SHMT1: variants seen among roughly 807,000 people sequenced by gnomAD.
SHMT1 encodes the protein serine hydroxymethyltransferase 1.
In SHMT1, 45 loss-of-function variants were observed where a neutral mutation model predicts 49.0. The ratio of observed to expected loss-of-function variants is 0.92; its 90% CI spans 0.72 to 1.18. The LOEUF (loss-of-function observed/expected upper bound fraction) is 1.18, where lower values mean the gene tolerates loss of function less well. SHMT1 is among the 50% of genes most tolerant of loss of function. The pLI, the probability that SHMT1 is intolerant of heterozygous loss-of-function variation, is 0.00. For missense variants in SHMT1, 541 were observed against 612.4 expected (o/e 0.88, Z 1.23); for synonymous variants, 232 against 246.6 (o/e 0.94, Z 0.55).
chr17:18,329,216 A>C, intron 11 of SHMT1, 62 bp downstream of exon 11: 2 of 1,250,024 alleles, frequency 1.6e-6, no homozygotes, highest in Non-Finnish European at 2.3e-6. Context: ...TCAGCTACTC[A>C]TCACAATCAG....
chr17:18,354,599 A>T (rs891618949), intron 2 of SHMT1, among the ~76,000 whole-genome samples: 2 of 152,152 alleles, frequency 1.3e-5, no homozygotes, highest in African/African-American at 2.4e-5. Flanking sequence ...TTCATCTCAG[A>T]AAAAGAAAAA....
At chr17:18,362,060 G>C (rs1943853674) in intron 1 of SHMT1, among the ~76,000 whole-genome samples, 1 of 152,174 alleles carries the variant, frequency 6.6e-6, no homozygotes, top group Admixed American at 6.6e-5. Flanking sequence ...CCAAGGATCT[G>C]CTCAGGGAAC....
At chr17:18,360,227 T>C (rs1986632707) in intron 1 of SHMT1, among the ~76,000 whole-genome samples, 1 of 147,558 alleles carries the variant, frequency 6.8e-6, no homozygotes, top group African/African-American at 2.5e-5. Context: ...CCAGCCTGGG[T>C]GACAGAGCAA....
chr17:18,355,612 C>T (rs1356412632), intron 2 of SHMT1, among the ~76,000 whole-genome samples: 2 of 151,708 alleles, frequency 1.3e-5, no homozygotes, highest in African/African-American at 2.4e-5. Context: ...ATCTATATTC[C>T]CTGTGAACTG....
rs913976229 is a variant in SHMT1, at chr17:18,343,082, A to G, written c.520-2269T>C. On this transcript the variant is annotated intron_variant, in intron 5 of 11. Coordinates refer to ENST00000316694, the MANE Select transcript of SHMT1 (RefSeq NM_004169.5). ...AAAGGGTACAAAGTTGCAGTTAGACAGGAAGAAAAATAATAAATATTTAAG... is the reference window on the plus strand; with the variant it reads ...AAAGGGTACAAAGTTGCAGTTAGACGGGAAGAAAAATAATAAATATTTAAG... Among the ~76,000 whole-genome samples the G allele has an allele frequency of 2.6e-5, 4 of 152,286 alleles. No homozygotes were observed. The South Asian group carries it at 8.3e-4, about 32-fold the overall frequency.
intron 3 of SHMT1, among the ~76,000 whole-genome samples, chr17:18,351,560 C>T (rs1027178409): frequency 8.6e-5 from 13 of 151,994 alleles, no homozygotes; most frequent in Admixed American, 7.2e-4. Context: ...AGATCGAGAC[C>T]AGCCTGGCTA....
At chr17:18,353,340 AC>A (rs768808845) in intron 3 of SHMT1, among the ~76,000 whole-genome samples, 37 of 152,256 alleles carry the variant, frequency 2.4e-4, no homozygotes, top group Non-Finnish European at 4.4e-4. Flanking sequence ...GGCAACGGCC[AC>A]CTTCTGCAGC....
Position 18,328,625 on chromosome 17 carries a change from C to A in SHMT1, c.*125G>T. Reference sequence around the variant, plus strand: ...AAACATGAAAAAAGTCCAAAAGAAACCCCCTCAAAGGGCCCGAGTGTCAAC... The same window carrying A: ...AAACATGAAAAAAGTCCAAAAGAAAACCCCTCAAAGGGCCCGAGTGTCAAC... On this transcript the variant is annotated 3_prime_UTR_variant, in exon 12 of 12. Coordinates refer to ENST00000316694, the MANE Select transcript of SHMT1 (RefSeq NM_004169.5). 9.9e-7 allele frequency: 1 copy of A among 1,012,954 alleles called. No homozygotes were observed. Among genetic ancestry groups the A allele is most frequent in the South Asian group, 1.5e-5 (1 of 66,566 alleles). 62.7% of individuals were successfully genotyped at this position (1,012,954 alleles called of 1,614,324 possible). A position where few individuals can be genotyped will look rare whatever the true frequency, so the allele number is the denominator to read the frequency against.
intron 2 of SHMT1, among the ~76,000 whole-genome samples, chr17:18,355,579 G>A: frequency 6.6e-6 from 1 of 151,982 alleles, no homozygotes; most frequent in South Asian, 2.1e-4. Flanking sequence ...ATAAAATAAA[G>A]GTGCTTTCAG....
chr17:18,329,439 T>G (rs368373925), intron 10 of SHMT1, 51 bp from the exon 11 acceptor site: 2 of 1,388,314 alleles, frequency 1.4e-6, no homozygotes, highest in Admixed American at 3.4e-5. Flanking sequence ...ACCACTGTGA[T>G]GGTGGTGCAT....
At chr17:18,348,150 C>A in intron 4 of SHMT1, 175 bp downstream of exon 4, 1 of 650,898 alleles carries the variant, frequency 1.5e-6, no homozygotes, top group Admixed American at 2.1e-5. Flanking sequence ...GAACTGCCGG[C>A]CTCAGGTGGT....
At chr17:18,329,235 T>C (rs781392444) in intron 11 of SHMT1, 43 bp downstream of exon 11, 2 of 1,377,498 alleles carry the variant, frequency 1.5e-6, no homozygotes, top group Non-Finnish European at 2.1e-6. Context: ...AGAAACTAAA[T>C]ACACACAATA....
At position 18,332,979 on chromosome 17, in the gene SHMT1, G is replaced by A. The variant is rs759618147; in HGVS notation, c.1054+187C>T. 9 of 711,752 alleles carry A rather than the reference G, an allele frequency of 1.3e-5. No homozygotes were observed. The African/African-American group carries it at 1.6e-4, about 12-fold the overall frequency. 44.1% of individuals were successfully genotyped at this position (711,752 alleles called of 1,614,324 possible). Reference sequence around the variant, plus strand: ...CCATCATCTGTGGCTCACCCAAGGGGGCGGCTGGCTGGTCTGAGGCAGGGG... The same window carrying A: ...CCATCATCTGTGGCTCACCCAAGGGAGCGGCTGGCTGGTCTGAGGCAGGGG... On this transcript the variant is annotated intron_variant, in intron 9 of 11. Coordinates refer to ENST00000316694, the MANE Select transcript of SHMT1 (RefSeq NM_004169.5).
intron 1 of SHMT1, among the ~76,000 whole-genome samples, chr17:18,359,430 T>C (rs957439340): frequency 3.3e-5 from 5 of 151,976 alleles, no homozygotes; most frequent in Admixed American, 3.3e-4. Flanking sequence ...TCCCAGCACT[T>C]TGGAAGGCTG....
rs753794929 is a variant in SHMT1 at position 18,348,350 on chromosome 17, C to G, written c.333G>C (p.Trp111Cys). Reference protein sequence around the residue: ...LQAYKLDPQCWGVNVQPYSGS... With the variant: ...LQAYKLDPQCCGVNVQPYSGS... ...CTGAGTAGGGCTGGACGTTGACCCC[C>G]CAGCACTGTGGGTCCAGCTTATAGG... Residue 111 changes from tryptophan (W) to cysteine (C), a missense_variant, in exon 4 of 12, where the codon TGG (tryptophan) becomes TGC (cysteine). By Grantham distance (215) the Trp-to-Cys change is radical. Transcript: ENST00000316694. 3 of 1,613,498 alleles carry G rather than the reference C, an allele frequency of 1.9e-6. No individual in the cohort carries two copies. The highest frequency in any genetic ancestry group is 8.5e-7 in the Non-Finnish European group (1 of 1,179,446).
At chr17:18,344,963 GAC>G (rs567015439) in intron 5 of SHMT1, among the ~76,000 whole-genome samples, 14 of 152,332 alleles carry the variant, frequency 9.2e-5, no homozygotes, top group African/African-American at 3.4e-4. Context: ...GTGGCCCTGG[GAC>G]ACCCCCTAAC....
rs752163893 is a variant in SHMT1 at position 18,329,348 on chromosome 17, C to T, written c.1212G>A (p.Gly404=). 1.9e-6 allele frequency: 3 copies of T among 1,612,906 alleles called. No homozygotes were observed. In the South Asian group the frequency reaches 3.3e-5, roughly 18 times the overall value. ...GTCCACGGGACGTCAGTGCTGGGGT[C>T]CCCAGCCGCAGTCCACTGGGCCGCA... ...SALRPSGLRL[G]TPALTSRGLL... Residue 404 remains glycine (G), a synonymous_variant, in exon 11 of 12, where the codon GGG becomes GGA. Transcript: ENST00000316694.
At chr17:18,355,326 C>T (rs1427961726) in intron 2 of SHMT1, among the ~76,000 whole-genome samples, 2 of 148,378 alleles carry the variant, frequency 1.3e-5, no homozygotes, top group East Asian at 2.0e-4. Context: ...GCTGAGATCA[C>T]GCCACTGCAC....
intron 5 of SHMT1, among the ~76,000 whole-genome samples, chr17:18,344,045 C>T (rs1260162714): frequency 2.0e-5 from 3 of 152,006 alleles, no homozygotes; most frequent in African/African-American, 7.3e-5. Context: ...TGCAGAGAGG[C>T]TCCCTGTTCT....
Sources: allele counts gnomAD v4.1 joint callset (sites outside exome capture counted in the v4.1 genomes callset), GRCh38; gene constraint gnomAD v4.1.1; transcripts MANE v1.5; gene names NCBI Gene and HGNC (gene_info 2026-07-23, HGNC 2026-07-21).